GALNTL6: variants seen among roughly 807,000 people sequenced by gnomAD.
GALNTL6 encodes polypeptide N-acetylgalactosaminyltransferase-like 6.
In GALNTL6, 46 loss-of-function variants were observed where a neutral mutation model predicts 73.7. That is an observed-to-expected ratio of 0.62 (90% CI 0.49 to 0.80). The LOEUF (loss-of-function observed/expected upper bound fraction) is 0.80, where lower values mean the gene tolerates loss of function less well. Among genes scored for constraint, GALNTL6 ranks in the 30% least tolerant of loss-of-function variants. GALNTL6 has a pLI of 0.00. For synonymous variants in GALNTL6, 259 were observed against 263.7 expected (o/e 0.98, Z 0.17); for missense variants, 604 against 755.0 (o/e 0.80, Z 2.34).
intron 2 of GALNTL6, among the ~76,000 whole-genome samples, chr4:172,214,521 T>TTTC (rs1166187919): frequency 7.0e-6 from 1 of 143,420 alleles, no homozygotes; most frequent in East Asian, 2.0e-4. Flanking sequence ...TTCTTTTCCT[T>TTTC]TTTTTTTTTT....
intron 2 of GALNTL6, among the ~76,000 whole-genome samples, chr4:171,819,810 G>T (rs1361905431): frequency 6.6e-6 from 1 of 152,130 alleles, no homozygotes; most frequent in African/African-American, 2.4e-5. Context: ...TCCCTTGATT[G>T]GCTTGCTTAT....
intron 5 of GALNTL6, among the ~76,000 whole-genome samples, chr4:172,421,572 T>G (rs1459374826): frequency 6.6e-6 from 1 of 151,856 alleles, no homozygotes; most frequent in African/African-American, 2.4e-5. Context: ...AGCAAATAAT[T>G]TTAATAAATG....
At chr4:172,116,978 A>G (rs1457417497) in intron 2 of GALNTL6, among the ~76,000 whole-genome samples, 2 of 152,170 alleles carry the variant, frequency 1.3e-5, no homozygotes, top group Non-Finnish European at 2.9e-5. Context: ...ATTATTCTAA[A>G]TTAAATTAGC....
intron 10 of GALNTL6, among the ~76,000 whole-genome samples, chr4:172,957,007 T>C (rs1184514551): frequency 6.6e-6 from 1 of 152,160 alleles, no homozygotes; most frequent in Non-Finnish European, 1.5e-5. Flanking sequence ...GAGATGACCG[T>C]GGTGGCCTTC....
chr4:172,534,572 G>A (rs1381702256), intron 5 of GALNTL6, among the ~76,000 whole-genome samples: 2 of 139,700 alleles, frequency 1.4e-5, no homozygotes. Flanking sequence ...TTACCTAAAT[G>A]AGAAATTTTT....
chr4:172,304,205 T>G (rs1043990030), intron 3 of GALNTL6, among the ~76,000 whole-genome samples: 7 of 152,184 alleles, frequency 4.6e-5, no homozygotes, highest in Admixed American at 4.6e-4. Flanking sequence ...CTTTCTTCAT[T>G]TCCCCTGAGT....
At chr4:172,877,965 G>T (rs902165492) in intron 7 of GALNTL6, among the ~76,000 whole-genome samples, 6 of 151,942 alleles carry the variant, frequency 3.9e-5, no homozygotes, top group African/African-American at 1.4e-4. Context: ...AGAATATTTT[G>T]CAAGAAAACA....
At chr4:172,371,437 A>G (rs2111259270) in intron 5 of GALNTL6, among the ~76,000 whole-genome samples, 1 of 152,368 alleles carries the variant, frequency 6.6e-6, no homozygotes, top group South Asian at 2.1e-4. Flanking sequence ...AGGGTCATGG[A>G]GAAGACCGTC....
At chr4:171,819,211 G>A (rs1163495001) in intron 2 of GALNTL6, among the ~76,000 whole-genome samples, 2 of 152,050 alleles carry the variant, frequency 1.3e-5, no homozygotes, top group African/African-American at 2.4e-5. Context: ...TTTTAAATTA[G>A]GGTTTTAAAG....
intron 7 of GALNTL6, among the ~76,000 whole-genome samples, chr4:172,858,941 T>A (rs1176240758): frequency 1.4e-5 from 2 of 146,376 alleles, no homozygotes. Flanking sequence ...CTCCATGAAA[T>A]CAAAGAAATT....
intron 5 of GALNTL6, among the ~76,000 whole-genome samples, chr4:172,553,062 T>A (rs1164391078): frequency 6.6e-6 from 1 of 152,164 alleles, no homozygotes; most frequent in East Asian, 1.9e-4. Flanking sequence ...GTATTGAACA[T>A]GTGTTCTCTA....
At chr4:172,582,212 T>C (rs182142747) in intron 5 of GALNTL6, among the ~76,000 whole-genome samples, 1 of 152,266 alleles carries the variant, frequency 6.6e-6, no homozygotes, top group East Asian at 1.9e-4. Context: ...GATACCACAG[T>C]GGTTAAGGAC....
At chr4:172,948,620 T>TTTG (rs1411504725) in intron 9 of GALNTL6, among the ~76,000 whole-genome samples, 1 of 135,150 alleles carries the variant, frequency 7.4e-6, no homozygotes, top group East Asian at 2.0e-4. Context: ...CCTCGCTAAT[T>TTTG]TTTTTTTTTT....
chr4:172,908,485 G>A (rs2111256977), intron 8 of GALNTL6, among the ~76,000 whole-genome samples: 1 of 151,986 alleles, frequency 6.6e-6, no homozygotes, highest in Admixed American at 6.6e-5. Flanking sequence ...AAATTAGAAA[G>A]CAGGGGGGAA....
chr4:171,976,865 A>G (rs1739738796), intron 2 of GALNTL6, among the ~76,000 whole-genome samples: 1 of 152,226 alleles, frequency 6.6e-6, no homozygotes, highest in Non-Finnish European at 1.5e-5. Context: ...GAATACAAGA[A>G]AAATGTTCAT....
intron 4 of GALNTL6, among the ~76,000 whole-genome samples, chr4:172,347,286 G>GGCC (rs1459138677): frequency 3.9e-5 from 6 of 151,978 alleles, no homozygotes; most frequent in African/African-American, 1.4e-4. Flanking sequence ...CACTGTGCCT[G>GGCC]GCCCCTATTG....
chr4:172,619,242 C>T (rs935797869), intron 5 of GALNTL6, among the ~76,000 whole-genome samples: 1 of 152,164 alleles, frequency 6.6e-6, no homozygotes, highest in African/African-American at 2.4e-5. Flanking sequence ...CGCCCTTCAT[C>T]CTCTAGCCTT....
At chr4:172,793,411 C>T (rs1307705341) in intron 5 of GALNTL6, among the ~76,000 whole-genome samples, 1 of 152,088 alleles carries the variant, frequency 6.6e-6, no homozygotes, top group East Asian at 1.9e-4. Context: ...CAATGCAGGG[C>T]TTGTCTGTCC....
chr4:172,230,782 A>G (rs1737035772), intron 3 of GALNTL6, among the ~76,000 whole-genome samples: 1 of 152,124 alleles, frequency 6.6e-6, no homozygotes, highest in South Asian at 2.1e-4. Flanking sequence ...TGGAGCAGCT[A>G]CAGTTTGGTA....
Sources: gnomAD v4.1 joint callset for allele counts (sites outside exome capture counted in the v4.1 genomes callset) on GRCh38, gnomAD v4.1.1 for gene constraint, MANE v1.5 for transcripts, NCBI Gene and HGNC (gene_info 2026-07-23, HGNC 2026-07-21) for gene names.